The following FAT3 variants were observed in gnomAD, a reference collection of about 807,000 sequenced individuals.
FAT3 encodes protocadherin Fat 3.
A neutral mutation model predicts 310.2 loss-of-function variants in FAT3; 95 were observed. The ratio of observed to expected loss-of-function variants is 0.31; its 90% CI spans 0.26 to 0.36. The LOEUF is 0.36. Among genes scored for constraint, FAT3 ranks in the 10% least tolerant of loss-of-function variants. FAT3 has a pLI of 1.00. For missense variants in FAT3, 5,408 were observed against 5,715.6 expected, an observed-to-expected ratio of 0.95 and a Z score of 1.74; for synonymous variants, 2,314 against 2,192.9, an observed-to-expected ratio of 1.06 and a Z score of -1.54.
chr11:92,536,437 A>G (rs556297146), intron 3 of FAT3, among the ~76,000 whole-genome samples: 1 of 152,284 alleles, frequency 6.6e-6, no homozygotes, highest in African/African-American at 2.4e-5. Flanking sequence ...TGGCCATGTG[A>G]TGTTGGGCAA....
intron 1 of FAT3, among the ~76,000 whole-genome samples, chr11:92,343,183 T>C (rs1002905827): frequency 2.6e-5 from 4 of 152,168 alleles, no homozygotes; most frequent in African/African-American, 9.7e-5. Context: ...ACTTCTTTCC[T>C]AAGAGACCAC....
intron 2 of FAT3, among the ~76,000 whole-genome samples, chr11:92,483,256 C>T (rs1952283855): frequency 6.6e-6 from 1 of 152,170 alleles, no homozygotes; most frequent in African/African-American, 2.4e-5. Flanking sequence ...CCATCATACC[C>T]TGACTGCTTT....
At chr11:92,806,750 A>G (rs531947469) in intron 12 of FAT3, among the ~76,000 whole-genome samples, 2 of 152,216 alleles carry the variant, frequency 1.3e-5, no homozygotes, top group Non-Finnish European at 2.9e-5. Flanking sequence ...CACAGCCCCA[A>G]AAATAAGAGA....
At chr11:92,626,737 A>T (rs1232865201) in intron 3 of FAT3, among the ~76,000 whole-genome samples, 1 of 152,186 alleles carries the variant, frequency 6.6e-6, no homozygotes, top group Non-Finnish European at 1.5e-5. Context: ...ACCAACAAAG[A>T]GTTAAGGAAA....
chr11:92,767,196 C>G (rs1946335552), intron 6 of FAT3, among the ~76,000 whole-genome samples: 1 of 150,708 alleles, frequency 6.6e-6, no homozygotes, highest in Admixed American at 6.6e-5. Context: ...TTGCAGTGAG[C>G]CAAGATTGCA....
At chr11:92,735,957 GA>G (rs1407827385) in intron 4 of FAT3, among the ~76,000 whole-genome samples, 2 of 152,110 alleles carry the variant, frequency 1.3e-5, no homozygotes, top group Non-Finnish European at 2.9e-5. Flanking sequence ...TGGATATTGA[GA>G]CATAATTTAT....
At chr11:92,547,479 T>A (rs1394459625) in intron 3 of FAT3, among the ~76,000 whole-genome samples, 1 of 152,132 alleles carries the variant, frequency 6.6e-6, no homozygotes, top group Admixed American at 6.5e-5. Context: ...ATGTAATAAA[T>A]AAAACTAATA....
intron 3 of FAT3, among the ~76,000 whole-genome samples, chr11:92,690,149 T>C (rs1943757741): frequency 6.6e-6 from 1 of 152,198 alleles, no homozygotes; most frequent in Non-Finnish European, 1.5e-5. Flanking sequence ...GGCAGAAAAA[T>C]ACTGCCTGGG....
chr11:92,433,032 C>G (rs533967182), intron 2 of FAT3, among the ~76,000 whole-genome samples: 1 of 152,138 alleles, frequency 6.6e-6, no homozygotes, highest in South Asian at 2.1e-4. Flanking sequence ...TTATTTACAC[C>G]GTGAAGGGAA....
chr11:92,225,442 GC>G (rs1265221251), intron 1 of FAT3, among the ~76,000 whole-genome samples: 1 of 152,180 alleles, frequency 6.6e-6, no homozygotes, highest in Non-Finnish European at 1.5e-5. Flanking sequence ...CGGAGAGTTG[GC>G]CAAGTTTGGG....
rs1425742281 is a variant in FAT3 at position 92,354,249 on chromosome 11, C to A, written c.2137C>A (p.Leu713Ile). ...NGKLNLEDGF[L>I]DFYSINRQGP... ...GAAACTGAATCTGGAAGATGGATTT[C>A]TTGACTTTTATTCAATTAATAGACA... The change falls in exon 2 of 28, where the codon CTT becomes ATT. Residue 713 changes from leucine (L) to isoleucine (I), a missense_variant. By Grantham distance (5) the Leu-to-Ile change is conservative. Transcript: ENST00000525166. The A allele has an allele frequency of 6.8e-6, 11 of 1,613,688 alleles. No homozygotes were observed. In the South Asian group the frequency reaches 8.8e-5, roughly 13 times the overall value.
chr11:92,438,031 C>T (rs1202731343), intron 2 of FAT3, among the ~76,000 whole-genome samples: 1 of 152,068 alleles, frequency 6.6e-6, no homozygotes, highest in East Asian at 1.9e-4. Flanking sequence ...ACAGTTGATG[C>T]TGAAAACTTG....
At chr11:92,761,371 C>T (rs1306386071) in intron 4 of FAT3, among the ~76,000 whole-genome samples, 1 of 152,184 alleles carries the variant, frequency 6.6e-6, no homozygotes. Context: ...GGCCCCACCT[C>T]CTAATACTAT....
At chr11:92,709,894 T>C (rs1044854456) in intron 4 of FAT3, among the ~76,000 whole-genome samples, 8 of 152,144 alleles carry the variant, frequency 5.3e-5, no homozygotes, top group African/African-American at 1.9e-4. Flanking sequence ...CCTCCGATCA[T>C]CCTTGGGAGA....
At chr11:92,496,331 GC>G (rs1034773379) in intron 2 of FAT3, among the ~76,000 whole-genome samples, 1 of 151,852 alleles carries the variant, frequency 6.6e-6, no homozygotes, top group African/African-American at 2.4e-5. Context: ...CTCCATCTGT[GC>G]CCCCTGCCTC....
chr11:92,609,377 A>T (rs1021085024), intron 3 of FAT3, among the ~76,000 whole-genome samples: 7 of 152,192 alleles, frequency 4.6e-5, no homozygotes, highest in Admixed American at 1.3e-4. Context: ...GCAAGTGGCT[A>T]TATCTAATTT....
At chr11:92,593,186 A>AT (rs34562266) in intron 3 of FAT3, among the ~76,000 whole-genome samples, 2 of 151,324 alleles carry the variant, frequency 1.3e-5, no homozygotes, top group Admixed American at 6.6e-5. Context: ...TGCATACCAC[A>AT]TTTTTTTTTA....
intron 2 of FAT3, among the ~76,000 whole-genome samples, chr11:92,416,406 G>C (rs1389446834): frequency 6.7e-6 from 1 of 149,610 alleles, no homozygotes; most frequent in Non-Finnish European, 1.5e-5. Flanking sequence ...AAGAAAGAAA[G>C]AAAAAAAACC....
In FAT3 at chr11:92,469,805, G is replaced by A. The variant is rs559255105; in HGVS notation, c.3293-54829G>A. ...GCTGGGATTACAGGCATGAGCCACCGCACCTGGCCTAATTTGTGATTATTA... is the reference window on the plus strand; with the variant it reads ...GCTGGGATTACAGGCATGAGCCACCACACCTGGCCTAATTTGTGATTATTA... On this transcript the variant is annotated intron_variant, in intron 2 of 27. Transcript: ENST00000525166. Among the ~76,000 whole-genome samples the A allele has an allele frequency of 3.7e-3, 560 of 152,000 alleles. 1 individual carries two copies. The highest frequency in any genetic ancestry group is 6.4e-3 in the Non-Finnish European group (434 of 68,006).
Sources: allele counts gnomAD v4.1 joint callset (sites outside exome capture counted in the v4.1 genomes callset), GRCh38; gene constraint gnomAD v4.1.1; transcripts MANE v1.5; gene names NCBI Gene and HGNC (gene_info 2026-07-23, HGNC 2026-07-21).